FRMD4A: variants seen among roughly 807,000 people sequenced by gnomAD.
FRMD4A encodes FERM domain-containing protein 4A.
FRMD4A carries 29 observed loss-of-function variants against 129.1 expected under a neutral mutation model. The observed-to-expected ratio is 0.22, with a 90% confidence interval of 0.17 to 0.31. The LOEUF is 0.31. FRMD4A is among the 10% of genes least tolerant of loss of function. The pLI is 1.00. For synonymous variants in FRMD4A, 634 were observed against 571.6 expected (o/e 1.11, Z -1.56); for missense variants, 1,272 against 1,375.8 (o/e 0.92, Z 1.19).
intron 2 of FRMD4A, among the ~76,000 whole-genome samples, chr10:13,999,452 C>T (rs966282909): frequency 8.5e-5 from 13 of 152,106 alleles, no homozygotes; most frequent in Middle Eastern, 3.2e-3. Context: ...GGACTAGGAC[C>T]GCATTTTCTA....
At chr10:14,265,462 T>C (rs1218340) in intron 2 of FRMD4A, among the ~76,000 whole-genome samples, 22,508 of 152,264 alleles carry the variant, frequency 0.15, 2,445 homozygotes, top group African/African-American at 0.3. Context: ...ATATTAAATA[T>C]ATGCTATTAC....
At chr10:14,328,479 G>A (rs1005857467) in intron 2 of FRMD4A, among the ~76,000 whole-genome samples, 3 of 151,568 alleles carry the variant, frequency 2.0e-5, no homozygotes, top group Admixed American at 1.3e-4. Context: ...TTTCTTCTAA[G>A]TATAGAAGAA....
chr10:14,237,749 G>T (rs563212289), intron 2 of FRMD4A, among the ~76,000 whole-genome samples: 2 of 152,216 alleles, frequency 1.3e-5, no homozygotes, highest in South Asian at 4.1e-4. Flanking sequence ...CTACCAACTG[G>T]TAGGCAAATG....
chr10:14,259,815 G>A (rs1844737591), intron 2 of FRMD4A, among the ~76,000 whole-genome samples: 1 of 151,460 alleles, frequency 6.6e-6, no homozygotes, highest in Non-Finnish European at 1.5e-5. Flanking sequence ...AATCCTCTTT[G>A]CCATGGCTGT....
chr10:14,164,199 G>A (rs1339546707), intron 2 of FRMD4A, among the ~76,000 whole-genome samples: 1 of 152,232 alleles, frequency 6.6e-6, no homozygotes, highest in Non-Finnish European at 1.5e-5. Context: ...TACCTTCTGA[G>A]GCATGAGTTT....
chr10:13,826,383 A>G (rs1446802766), intron 3 of FRMD4A, among the ~76,000 whole-genome samples: 2 of 152,204 alleles, frequency 1.3e-5, no homozygotes, highest in Admixed American at 6.5e-5. Context: ...GCCTTGCCCT[A>G]CACAGCATAC....
intron 21 of FRMD4A, among the ~76,000 whole-genome samples, chr10:13,658,889 A>AAAG (rs1406432414): frequency 6.6e-6 from 1 of 151,922 alleles, no homozygotes; most frequent in African/African-American, 2.4e-5. Flanking sequence ...CTCAAAAAAA[A>AAAG]AAAAAAAAAA....
chr10:14,169,613 G>A (rs1231501731), intron 2 of FRMD4A, among the ~76,000 whole-genome samples: 2 of 152,116 alleles, frequency 1.3e-5, no homozygotes, highest in Non-Finnish European at 2.9e-5. Flanking sequence ...GTCTCCTCCT[G>A]TATTTGGGGG....
chr10:13,708,293 T>G (rs945113890), intron 12 of FRMD4A, among the ~76,000 whole-genome samples: 1 of 152,208 alleles, frequency 6.6e-6, no homozygotes, highest in Non-Finnish European at 1.5e-5. Flanking sequence ...GATGGCCATT[T>G]CCTGTATCTG....
intron 2 of FRMD4A, among the ~76,000 whole-genome samples, chr10:13,863,331 T>C (rs931685975): frequency 6.6e-6 from 1 of 151,968 alleles, no homozygotes; most frequent in Non-Finnish European, 1.5e-5. Flanking sequence ...CCTGTAATCC[T>C]AGCCCTTTGG....
intron 2 of FRMD4A, among the ~76,000 whole-genome samples, chr10:14,198,931 A>G (rs1041016394): frequency 8.5e-5 from 13 of 152,228 alleles, no homozygotes; most frequent in African/African-American, 2.9e-4. Flanking sequence ...CACTACATTC[A>G]AAGTACTCAG....
At position 13,885,024 on chromosome 10, in the gene FRMD4A, G is replaced by A. The variant is rs12242570; in HGVS notation, c.46-26112C>T. On this transcript the variant is annotated intron_variant, in intron 2 of 24. Coordinates refer to ENST00000357447, the MANE Select transcript of FRMD4A (RefSeq NM_018027.5). ...ATCCCCCCAAAGTTAGCATCGTTGAGCCTTCCAGTAATATAAGTAAACAAG... is the reference window on the plus strand; with the variant it reads ...ATCCCCCCAAAGTTAGCATCGTTGAACCTTCCAGTAATATAAGTAAACAAG... Among the ~76,000 whole-genome samples, 1,054 of 152,298 alleles carry A rather than the reference G, an allele frequency of 6.9e-3. 14 individuals are homozygous for A. Among genetic ancestry groups the A allele is most frequent in the African/African-American group, 0.024 (978 of 41,560 alleles).
intron 2 of FRMD4A, among the ~76,000 whole-genome samples, chr10:14,038,519 A>C (rs1833614145): frequency 6.6e-6 from 1 of 152,174 alleles, no homozygotes; most frequent in South Asian, 2.1e-4. Flanking sequence ...CTTAGCCTTG[A>C]AAAGAGATAG....
chr10:14,088,742 C>G (rs1363727199), intron 2 of FRMD4A, among the ~76,000 whole-genome samples: 2 of 141,354 alleles, frequency 1.4e-5, no homozygotes, highest in Non-Finnish European at 3.0e-5. Flanking sequence ...GCCAAGATCA[C>G]GCCACTGCAC....
In FRMD4A at chr10:14,139,039, C is replaced by T. The variant is rs1392945799; in HGVS notation, c.45+191019G>A. ...GAATCTCAATGATCTTGCTCTAATG[C>T]AATGAGTAGCATTCTTTCTGAGTGG... On this transcript the variant is annotated intron_variant, in intron 2 of 24. Transcript: ENST00000357447. 3.3e-5 allele frequency among the ~76,000 whole-genome samples: 5 copies of T among 152,204 alleles called. 1 individual carries two copies. In the South Asian group the frequency reaches 6.2e-4, roughly 19 times the overall value.
At chr10:14,278,506 T>C (rs1331967539) in intron 2 of FRMD4A, among the ~76,000 whole-genome samples, 1 of 152,178 alleles carries the variant, frequency 6.6e-6, no homozygotes, top group Non-Finnish European at 1.5e-5. Flanking sequence ...CCAGAAGTCT[T>C]CCTTTCAGCG....
chr10:13,906,934 G>A (rs1406836390), intron 2 of FRMD4A, among the ~76,000 whole-genome samples: 1 of 152,176 alleles, frequency 6.6e-6, no homozygotes, highest in Admixed American at 6.5e-5. Flanking sequence ...ATCTAAAGGT[G>A]CGTGCTCTGA....
At position 13,884,194 on chromosome 10, in the gene FRMD4A, A is replaced by ACTCACACACT. The variant is rs2094587900; in HGVS notation, c.46-25283_46-25282insAGTGTGTGAG. On this transcript the variant is annotated intron_variant, in intron 2 of 24. Coordinates refer to ENST00000357447, the MANE Select transcript of FRMD4A (RefSeq NM_018027.5). ...CACACACTCACACACACACACACAC[A>ACTCACACACT]CTCACACACACACTCACACACACAC... is the stretch of plus-strand genomic sequence containing the variant. Among the ~76,000 whole-genome samples, 38 of 79,862 alleles carry ACTCACACACT rather than the reference A, an allele frequency of 4.8e-4. 1 individual carries two copies. Among genetic ancestry groups the ACTCACACACT allele is most frequent in the African/African-American group, 1.6e-3 (35 of 22,042 alleles). 52.4% of individuals were successfully genotyped at this position (79,862 alleles called of 152,430 possible). A position where few individuals can be genotyped will look rare whatever the true frequency, so the allele number is the denominator to read the frequency against.
In FRMD4A at chr10:14,179,395, T is replaced by G. The variant is rs116228194; in HGVS notation, c.45+150663A>C. Among the ~76,000 whole-genome samples the G allele has an allele frequency of 7.3e-3, 1,114 of 152,276 alleles. 13 individuals are homozygous for G. Among genetic ancestry groups the G allele is most frequent in the Middle Eastern group, 0.024 (7 of 294 alleles). On this transcript the variant is annotated intron_variant, in intron 2 of 24. Coordinates refer to ENST00000357447, the MANE Select transcript of FRMD4A (RefSeq NM_018027.5). ...TTGTAGGCTTTGGGATGATAATGGATAGAAAAGGTCTTCTTCCTGGATCAG... is the reference window on the plus strand; with the variant it reads ...TTGTAGGCTTTGGGATGATAATGGAGAGAAAAGGTCTTCTTCCTGGATCAG...
Sources: allele counts gnomAD v4.1 joint callset (sites outside exome capture counted in the v4.1 genomes callset), GRCh38; gene constraint gnomAD v4.1.1; transcripts MANE v1.5; gene names NCBI Gene and HGNC (gene_info 2026-07-23, HGNC 2026-07-21).